Variants in ARHGAP10 observed in about 807,000 individuals in gnomAD.
ARHGAP10 encodes Rho GTPase activating protein 10.
In ARHGAP10, 87 loss-of-function variants were observed where a neutral mutation model predicts 108.6. The observed-to-expected ratio is 0.80, with a 90% CI of 0.67 to 0.96. ARHGAP10 has a LOEUF of 0.96. ARHGAP10 is among the 40% of genes least tolerant of loss of function. The pLI is 0.00. For missense variants in ARHGAP10, 939 were observed against 954.5 expected, an observed-to-expected ratio of 0.98 and a Z score of 0.21; for synonymous variants, 347 against 341.1, an observed-to-expected ratio of 1.02 and a Z score of -0.19.
At chr4:147,976,885 AT>A (rs1277105110) in intron 18 of ARHGAP10, among the ~76,000 whole-genome samples, 1 of 152,244 alleles carries the variant, frequency 6.6e-6, no homozygotes, top group Non-Finnish European at 1.5e-5. Flanking sequence ...GTGTGCATAG[AT>A]TTATTCTGTG....
At chr4:147,936,134 T>C (rs1201876085) in intron 13 of ARHGAP10, among the ~76,000 whole-genome samples, 3 of 152,144 alleles carry the variant, frequency 2.0e-5, no homozygotes, top group Non-Finnish European at 4.4e-5. Flanking sequence ...AGAGTAGTAC[T>C]GAAACCCTCT....
At chr4:147,735,090 G>A (rs1341231663) in intron 1 of ARHGAP10, among the ~76,000 whole-genome samples, 2 of 152,074 alleles carry the variant, frequency 1.3e-5, no homozygotes, top group African/African-American at 4.8e-5. Context: ...AGGCCTATGC[G>A]ACCTGAAGGC....
At chr4:147,849,789 T>TA (rs1733784881) in intron 4 of ARHGAP10, among the ~76,000 whole-genome samples, 1 of 152,214 alleles carries the variant, frequency 6.6e-6, no homozygotes, top group Admixed American at 6.5e-5. Flanking sequence ...TGTCTACTGT[T>TA]TTGCTTATAT....
chr4:147,904,864 C>G (rs1032391921), intron 10 of ARHGAP10, among the ~76,000 whole-genome samples: 2 of 152,140 alleles, frequency 1.3e-5, no homozygotes, highest in African/African-American at 4.8e-5. Flanking sequence ...TAAAAGTGTT[C>G]CTATTTCTCC....
intron 14 of ARHGAP10, among the ~76,000 whole-genome samples, chr4:147,943,923 T>C (rs1738272500): frequency 6.6e-6 from 1 of 152,228 alleles, no homozygotes; most frequent in South Asian, 2.1e-4. Flanking sequence ...AGCTGCTTTT[T>C]ATTCCATGAA....
At chr4:147,904,031 A>G (rs1202402481) in intron 10 of ARHGAP10, among the ~76,000 whole-genome samples, 1 of 152,188 alleles carries the variant, frequency 6.6e-6, no homozygotes, top group Non-Finnish European at 1.5e-5. Context: ...CTTTTGTAAG[A>G]AACAACCAGA....
chr4:148,020,651 A>G (rs1741533506), intron 18 of ARHGAP10, among the ~76,000 whole-genome samples: 1 of 151,614 alleles, frequency 6.6e-6, no homozygotes, highest in Non-Finnish European at 1.5e-5. Context: ...ACTGCATAGT[A>G]TTCTAATATA....
At chr4:148,013,491 A>T (rs1741239431) in intron 18 of ARHGAP10, among the ~76,000 whole-genome samples, 1 of 152,148 alleles carries the variant, frequency 6.6e-6, no homozygotes, top group Admixed American at 6.6e-5. Context: ...GATCGAGACC[A>T]TCCTGGCTAA....
intron 5 of ARHGAP10, among the ~76,000 whole-genome samples, chr4:147,860,390 C>A (rs1054793918): frequency 1.3e-5 from 2 of 152,118 alleles, no homozygotes; most frequent in African/African-American, 4.8e-5. Flanking sequence ...TGCAGTGAGC[C>A]GAGATGGGGC....
chr4:148,040,163 T>C (rs1003527772), intron 19 of ARHGAP10, among the ~76,000 whole-genome samples: 2 of 152,192 alleles, frequency 1.3e-5, no homozygotes, highest in African/African-American at 2.4e-5. Context: ...GTTCTTGTCC[T>C]TGGGATAGGC....
rs1280435377 is a variant in ARHGAP10, at chr4:148,063,635, A to C, written c.2180+335A>C. 2.0e-5 allele frequency among the ~76,000 whole-genome samples: 3 copies of C among 152,342 alleles called. No individual in the cohort carries two copies. The East Asian group carries it at 5.8e-4, about 29-fold the overall frequency. On this transcript the variant is annotated intron_variant, in intron 21 of 22. Coordinates refer to ENST00000336498, the MANE Select transcript of ARHGAP10 (RefSeq NM_024605.4). ...ACATTCTTCGTTTTAAAAGTAGGCA[A>C]GCTGGCACTGGAAACATTCGCTTCC...
chr4:147,741,792 GCA>G (rs112095776), intron 1 of ARHGAP10, among the ~76,000 whole-genome samples: 9,591 of 57,474 alleles, frequency 0.17, 630 homozygotes, highest in African/African-American at 0.23. Flanking sequence ...ACACACACAC[GCA>G]CACACACACA....
chr4:147,932,998 A>G (rs1479573588), intron 13 of ARHGAP10, among the ~76,000 whole-genome samples: 1 of 152,018 alleles, frequency 6.6e-6, no homozygotes, highest in African/African-American at 2.4e-5. Flanking sequence ...CAGCTTCAGG[A>G]TTTCTTTTTG....
chr4:148,025,081 G>T (rs1466440697), intron 19 of ARHGAP10, among the ~76,000 whole-genome samples: 3 of 152,162 alleles, frequency 2.0e-5, no homozygotes, highest in Non-Finnish European at 4.4e-5. Context: ...TTAACCTTTT[G>T]ATCATTGGAT....
chr4:147,863,631 A>G (rs775232433), intron 5 of ARHGAP10: 3 of 152,062 alleles, frequency 2.0e-5, no homozygotes, highest in Non-Finnish European at 4.4e-5. Context: ...ATGTGGTAAT[A>G]CTATTTTTCA....
intron 1 of ARHGAP10, among the ~76,000 whole-genome samples, chr4:147,757,430 A>T (rs1028522301): frequency 6.6e-6 from 1 of 152,140 alleles, no homozygotes; most frequent in South Asian, 2.1e-4. Context: ...TCCTGAGCTC[A>T]GGCAATCTGC....
chr4:147,887,313 T>TTCCTCTG (rs1735611051), intron 10 of ARHGAP10, among the ~76,000 whole-genome samples: 1 of 152,092 alleles, frequency 6.6e-6, no homozygotes, highest in African/African-American at 2.4e-5. Context: ...TGTTCAGGTG[T>TTCCTCTG]TTCCATTTCC....
At chr4:147,763,342 T>A (rs1729664462) in intron 1 of ARHGAP10, among the ~76,000 whole-genome samples, 1 of 150,188 alleles carries the variant, frequency 6.7e-6, no homozygotes, top group Non-Finnish European at 1.5e-5. Flanking sequence ...TGAGACAGTC[T>A]CGCTCTGTCG....
intron 14 of ARHGAP10, among the ~76,000 whole-genome samples, chr4:147,943,737 C>T (rs1738263052): frequency 1.3e-5 from 2 of 152,176 alleles, no homozygotes; most frequent in Admixed American, 1.3e-4. Context: ...TCTGAATGAA[C>T]CCTCCAAATG....
Sources: gnomAD v4.1 joint callset for allele counts (sites outside exome capture counted in the v4.1 genomes callset) on GRCh38, gnomAD v4.1.1 for gene constraint, MANE v1.5 for transcripts, NCBI Gene and HGNC (gene_info 2026-07-23, HGNC 2026-07-21) for gene names.